The following ULK4 variants were observed in gnomAD, a reference collection of about 807,000 sequenced individuals.
The protein encoded by ULK4 is unc-51 like kinase 4.
In ULK4, 133 loss-of-function variants were observed where a neutral mutation model predicts 160.6. The observed-to-expected ratio is 0.83, with a 90% CI of 0.72 to 0.96. The LOEUF (loss-of-function observed/expected upper bound fraction) is 0.96. Among genes scored for constraint, ULK4 ranks in the 40% least tolerant of loss-of-function variants. The pLI, the probability that ULK4 is intolerant of heterozygous loss-of-function variation, is 0.00. For missense variants in ULK4, 1,580 were observed against 1,499.5 expected (o/e 1.05, Z -0.89); for synonymous variants, 534 against 539.8 (o/e 0.99, Z 0.15).
At chr3:41,418,519 A>G (rs1055598373) in intron 34 of ULK4, among the ~76,000 whole-genome samples, 1 of 152,206 alleles carries the variant, frequency 6.6e-6, no homozygotes, top group African/African-American at 2.4e-5. Flanking sequence ...AGTTCAGTAT[A>G]TAAGTGACTG....
rs534967642 is a variant in ULK4 at position 41,800,328 on chromosome 3, G to T, written c.1849-35C>A. 5.8e-6 allele frequency: 9 copies of T among 1,561,020 alleles called. No individual in the cohort carries two copies. The South Asian group carries it at 8.2e-5, about 14-fold the overall frequency. ...AAGGAGATTAAAATAATATTAGTGT[G>T]AGAAATAAATACATGTTATTTCTTT... is the stretch of plus-strand genomic sequence containing the variant. On this transcript the variant is annotated intron_variant, in intron 19 of 36. Transcript: ENST00000301831.
intron 16 of ULK4, among the ~76,000 whole-genome samples, chr3:41,888,768 G>T (rs972489055): frequency 3.1e-5 from 1 of 32,498 alleles, no homozygotes; most frequent in African/African-American, 4.2e-5. Context: ...TACTGAAACA[G>T]GGAAGGGGTA....
At chr3:41,636,765 C>T (rs1320335273) in intron 30 of ULK4, among the ~76,000 whole-genome samples, 1 of 151,004 alleles carries the variant, frequency 6.6e-6, no homozygotes, top group African/African-American at 2.4e-5. Flanking sequence ...CGTCCCCCCA[C>T]CCCACAACAG....
At chr3:41,444,172 T>A (rs1230153268) in intron 34 of ULK4, among the ~76,000 whole-genome samples, 1 of 152,198 alleles carries the variant, frequency 6.6e-6, no homozygotes, top group Non-Finnish European at 1.5e-5. Flanking sequence ...GCTTCCAACT[T>A]TGAAGATTGG....
At position 41,603,038 on chromosome 3, in the gene ULK4, G is replaced by T. The variant is rs74502116; in HGVS notation, c.3120+12631C>A. On this transcript the variant is annotated intron_variant, in intron 31 of 36. Coordinates refer to ENST00000301831, the MANE Select transcript of ULK4 (RefSeq NM_017886.4). ...AAATATACACTGAAAAGACAGGTTT[G>T]TGGAATAGATTAAGAAAATAAATGA... Among the ~76,000 whole-genome samples the T allele has an allele frequency of 7.9e-5, 12 of 152,136 alleles. No individual in the cohort carries two copies. The East Asian group carries it at 2.1e-3, about 27-fold the overall frequency.
intron 35 of ULK4, among the ~76,000 whole-genome samples, chr3:41,287,085 G>A (rs1332009146): frequency 1.3e-5 from 2 of 152,186 alleles, no homozygotes; most frequent in Non-Finnish European, 2.9e-5. Flanking sequence ...AGCAATCCTG[G>A]CACATCAAAG....
chr3:41,856,498 T>C lies in ULK4; in HGVS notation c.1657-20527A>G, dbSNP rs963197147. ...AAAGTACTCCATGAGGACACATTAA[T>C]AAATAAATAAATAAATATATATATA... On this transcript the variant is annotated intron_variant, in intron 17 of 36. Transcript: ENST00000301831. 2.1e-3 allele frequency among the ~76,000 whole-genome samples: 209 copies of C among 100,124 alleles called. 1 individual carries two copies. The highest frequency in any genetic ancestry group is 0.014 in the African/African-American group (205 of 15,008). The allele number at this position is 100,124 out of a possible 152,430, so 65.7% of individuals were successfully genotyped here.
chr3:41,831,037 T>C (rs1473060457), intron 18 of ULK4, among the ~76,000 whole-genome samples: 1 of 151,132 alleles, frequency 6.6e-6, no homozygotes, highest in Non-Finnish European at 1.5e-5. Context: ...TATTTATTGA[T>C]TTATTTATTA....
At chr3:41,846,771 C>T (rs2042078799) in intron 17 of ULK4, among the ~76,000 whole-genome samples, 1 of 147,100 alleles carries the variant, frequency 6.8e-6, no homozygotes, top group Non-Finnish European at 1.5e-5. Flanking sequence ...TGCCACTGCA[C>T]TCCAGCCTGG....
intron 17 of ULK4, among the ~76,000 whole-genome samples, chr3:41,857,970 CTT>C (rs1306982298): frequency 6.6e-6 from 1 of 151,794 alleles, no homozygotes; most frequent in Non-Finnish European, 1.5e-5. Flanking sequence ...CTGCTCTGAT[CTT>C]TATTATTTCT....
intron 8 of ULK4, 48 bp from the exon 9 acceptor site, chr3:41,912,947 T>C (rs764791828): frequency 3.2e-5 from 50 of 1,583,310 alleles, no homozygotes; most frequent in Non-Finnish European, 4.1e-5. Context: ...TGATTTACCA[T>C]GAAAAATTCC....
intron 29 of ULK4, 104 bp downstream of exon 29, chr3:41,681,404 A>C: frequency 6.7e-7 from 1 of 1,485,996 alleles, no homozygotes; most frequent in Non-Finnish European, 9.1e-7. Context: ...ATGTGTATAA[A>C]CATAAGGACA....
intron 27 of ULK4, among the ~76,000 whole-genome samples, chr3:41,691,642 C>T (rs939244859): frequency 6.6e-6 from 1 of 151,790 alleles, no homozygotes; most frequent in Non-Finnish European, 1.5e-5. Flanking sequence ...TTTCCTTTAA[C>T]ATCCATTGAT....
At chr3:41,849,573 T>C (rs1303185860) in intron 17 of ULK4, among the ~76,000 whole-genome samples, 5 of 152,186 alleles carry the variant, frequency 3.3e-5, no homozygotes, top group Admixed American at 2.0e-4. Context: ...GGTAGATAGA[T>C]GTTTTAATAC....
At chr3:41,380,573 A>G (rs1344763319) in intron 35 of ULK4, among the ~76,000 whole-genome samples, 1 of 152,046 alleles carries the variant, frequency 6.6e-6, no homozygotes, top group Non-Finnish European at 1.5e-5. Context: ...AGAACTCTTC[A>G]GGCTCCAGCA....
intron 30 of ULK4, 116 bp from the exon 31 acceptor site, chr3:41,615,833 A>G: frequency 1.1e-6 from 1 of 908,440 alleles, no homozygotes; most frequent in Non-Finnish European, 1.7e-6. Flanking sequence ...CATGATAAGA[A>G]ATAGTATGAT....
chr3:41,568,988 A>G (rs2087877590), intron 31 of ULK4, among the ~76,000 whole-genome samples: 1 of 152,208 alleles, frequency 6.6e-6, no homozygotes, highest in Non-Finnish European at 1.5e-5. Context: ...TACAGAACTC[A>G]GGAAAACACG....
rs369605635 is a variant in ULK4, at chr3:41,909,966, A to G, written c.1085+1351T>C. 7.9e-4 allele frequency among the ~76,000 whole-genome samples: 120 copies of G among 152,062 alleles called. 1 individual carries two copies. The highest frequency in any genetic ancestry group is 2.7e-3 in the African/African-American group (113 of 41,502). Reference sequence around the variant, plus strand: ...GGCTGGAGCGCGATGGCGCGATCTCAGCTCATTGCAACCTCCACCACCCGG... The same window carrying G: ...GGCTGGAGCGCGATGGCGCGATCTCGGCTCATTGCAACCTCCACCACCCGG... On this transcript the variant is annotated intron_variant, in intron 11 of 36. Coordinates refer to ENST00000301831, the MANE Select transcript of ULK4 (RefSeq NM_017886.4).
intron 19 of ULK4, among the ~76,000 whole-genome samples, chr3:41,808,016 CT>C (rs1302299740): frequency 1.3e-5 from 2 of 152,300 alleles, no homozygotes; most frequent in East Asian, 3.9e-4. Context: ...CGTCGCGTAT[CT>C]CCTAGTTGTA....
Sources: allele counts gnomAD v4.1 joint callset (sites outside exome capture counted in the v4.1 genomes callset), GRCh38; gene constraint gnomAD v4.1.1; transcripts MANE v1.5; gene names NCBI Gene and HGNC (gene_info 2026-07-23, HGNC 2026-07-21).